The following FBXL17 variants were observed in gnomAD, a reference collection of about 807,000 sequenced individuals.
FBXL17 encodes F-box/LRR-repeat protein 17.
Under a neutral mutation model 66.2 loss-of-function variants are expected in FBXL17, and 22 were observed. The ratio of observed to expected loss-of-function variants is 0.33; its 90% confidence interval spans 0.24 to 0.47. The LOEUF is 0.47. FBXL17 is among the 20% of genes least tolerant of loss of function. The pLI is 1.00. For missense variants in FBXL17, 878 were observed against 948.2 expected (o/e 0.93, Z 0.97); for synonymous variants, 474 against 400.5 (o/e 1.18, Z -2.19).
chr5:107,877,418 G>A (rs999376679), intron 8 of FBXL17, among the ~76,000 whole-genome samples: 1 of 152,114 alleles, frequency 6.6e-6, no homozygotes, highest in Non-Finnish European at 1.5e-5. Flanking sequence ...TGGGGGTCGT[G>A]GGGGGAAACA....
At chr5:108,063,215 T>A (rs1747992455) in intron 6 of FBXL17, among the ~76,000 whole-genome samples, 1 of 152,028 alleles carries the variant, frequency 6.6e-6, no homozygotes, top group Non-Finnish European at 1.5e-5. Context: ...GGAGGCACTG[T>A]TGAACTCAGA....
At chr5:108,348,770 A>G (rs1747450113) in intron 3 of FBXL17, among the ~76,000 whole-genome samples, 1 of 152,180 alleles carries the variant, frequency 6.6e-6, no homozygotes, top group Non-Finnish European at 1.5e-5. Context: ...AGGTATGTAT[A>G]TTCCTTAACA....
chr5:107,986,423 A>G (rs1753014648), intron 7 of FBXL17, among the ~76,000 whole-genome samples: 1 of 151,726 alleles, frequency 6.6e-6, no homozygotes, highest in Non-Finnish European at 1.5e-5. Context: ...CAAATGTTAG[A>G]ACAACATAAC....
At chr5:108,206,588 T>C (rs561849465) in intron 5 of FBXL17, among the ~76,000 whole-genome samples, 1 of 152,242 alleles carries the variant, frequency 6.6e-6, no homozygotes, top group Non-Finnish European at 1.5e-5. Context: ...AACTTGACAA[T>C]CATTTGCATT....
intron 7 of FBXL17, among the ~76,000 whole-genome samples, chr5:107,999,698 T>C (rs2112712483): frequency 6.6e-6 from 1 of 152,198 alleles, no homozygotes; most frequent in South Asian, 2.1e-4. Context: ...TCAAAGAGGA[T>C]ATAAGCAAAA....
chr5:108,035,764 C>T (rs1423985877), intron 6 of FBXL17, among the ~76,000 whole-genome samples: 1 of 152,116 alleles, frequency 6.6e-6, no homozygotes, highest in African/African-American at 2.4e-5. Context: ...ATGCCCATGC[C>T]CAGCCACCTT....
chr5:107,897,005 G>A (rs1749407061), intron 7 of FBXL17, among the ~76,000 whole-genome samples: 1 of 151,986 alleles, frequency 6.6e-6, no homozygotes, highest in Non-Finnish European at 1.5e-5. Flanking sequence ...ACAAATTAAA[G>A]CAAAAGGAAG....
At position 108,220,173 on chromosome 5, in the gene FBXL17, G is replaced by A. The variant is rs1754797867; in HGVS notation, c.1614+3948C>T. On this transcript the variant is annotated intron_variant, in intron 5 of 8. Transcript: ENST00000542267. The stretch of plus-strand genomic sequence containing the variant: ...CTTTTGATTTTGTCTTTACTCATGG[G>A]TTATTTAGGATTGAATGCATAAGGA... 4.6e-5 allele frequency among the ~76,000 whole-genome samples: 7 copies of A among 151,530 alleles called. No homozygotes were observed. In the South Asian group the frequency reaches 1.5e-3, roughly 32 times the overall value.
At chr5:108,378,327 T>G (rs1170943323) in intron 1 of FBXL17, among the ~76,000 whole-genome samples, 1 of 102,568 alleles carries the variant, frequency 9.7e-6, no homozygotes, top group Non-Finnish European at 2.0e-5. Context: ...CTCGTTTTTG[T>G]TTTTTGTTTT....
At chr5:108,133,670 CT>C (rs1246823461) in intron 6 of FBXL17, among the ~76,000 whole-genome samples, 1 of 151,482 alleles carries the variant, frequency 6.6e-6, no homozygotes, top group Non-Finnish European at 1.5e-5. Context: ...AAACGTTGGT[CT>C]ATAGGAAAGC....
chr5:108,381,141 G>T lies in FBXL17; in HGVS notation c.551C>A (p.Pro184Gln). ...GGGCGTAGGGAGCTCGGCCGGTGAC[G>T]GTGTCGGCCCCCGGAAGAGCTGCAC... ...AAVQLFRGPT[P>Q]SPAELPTPPE... The change falls in exon 1 of 9, where the codon CCG (proline) becomes CAG (glutamine). Residue 184 changes from proline to glutamine, a missense_variant. Physicochemically the swap from Pro to Gln is moderately conservative, Grantham distance 76. Around this residue, in one of 4 missense-constraint regions of FBXL17, gnomAD observed 605 missense variants for 509.5 expected, o/e 1.19. Transcript: ENST00000542267. The T allele has an allele frequency of 7.2e-7, 1 of 1,385,564 alleles. No individual in the cohort carries two copies. The highest frequency in any genetic ancestry group is 3.1e-5 in the East Asian group (1 of 32,616). 85.8% of individuals were successfully genotyped at this position (1,385,564 alleles called of 1,614,324 possible). A position where few individuals can be genotyped will look rare whatever the true frequency, so the allele number is the denominator to read the frequency against.
At chr5:108,140,757 C>T (rs1206341540) in intron 6 of FBXL17, among the ~76,000 whole-genome samples, 1 of 152,062 alleles carries the variant, frequency 6.6e-6, no homozygotes, top group Non-Finnish European at 1.5e-5. Flanking sequence ...TCAAGGATAT[C>T]CCCCAAAATT....
intron 4 of FBXL17, among the ~76,000 whole-genome samples, chr5:108,293,235 T>TTTC (rs1325946200): frequency 6.6e-6 from 1 of 152,172 alleles, no homozygotes; most frequent in Non-Finnish European, 1.5e-5. Flanking sequence ...ACAATAAGGA[T>TTTC]TTCTCATTAT....
intron 7 of FBXL17, among the ~76,000 whole-genome samples, chr5:107,965,413 C>T (rs1752085860): frequency 6.6e-6 from 1 of 152,098 alleles, no homozygotes; most frequent in African/African-American, 2.4e-5. Context: ...TGAAAAATAC[C>T]TATTATAACA....
intron 8 of FBXL17, chr5:107,879,068 T>C (rs190735349): frequency 1.0e-6 from 1 of 985,440 alleles, no homozygotes; most frequent in Non-Finnish European, 1.2e-6. Context: ...ATTTCTTAAC[T>C]AAAAATCAGC....
intron 7 of FBXL17, among the ~76,000 whole-genome samples, chr5:107,887,506 A>T (rs1045673712): frequency 3.9e-5 from 6 of 152,210 alleles, no homozygotes; most frequent in East Asian, 1.9e-4. Context: ...ATTAGGGTTA[A>T]AATTTAACAG....
At chr5:108,341,999 T>C (rs888984657) in intron 4 of FBXL17, among the ~76,000 whole-genome samples, 4 of 152,184 alleles carry the variant, frequency 2.6e-5, no homozygotes, top group Non-Finnish European at 5.9e-5. Flanking sequence ...GGTGTTTCTA[T>C]AGCACTATCA....
At chr5:108,078,464 A>G (rs1275907948) in intron 6 of FBXL17, among the ~76,000 whole-genome samples, 1 of 152,202 alleles carries the variant, frequency 6.6e-6, no homozygotes, top group African/African-American at 2.4e-5. Context: ...GACTGTCAGA[A>G]AGCCAGCAAA....
At chr5:108,269,775 A>C (rs1757191413) in intron 4 of FBXL17, among the ~76,000 whole-genome samples, 1 of 152,112 alleles carries the variant, frequency 6.6e-6, no homozygotes, top group Admixed American at 6.5e-5. Context: ...AGACAGTGCC[A>C]CCACAAAAAA....
Sources: allele counts gnomAD v4.1 joint callset (sites outside exome capture counted in the v4.1 genomes callset), GRCh38; gene constraint gnomAD v4.1.1; regional missense constraint gnomAD v4.1.1; transcripts MANE v1.5; gene names NCBI Gene and HGNC (gene_info 2026-07-23, HGNC 2026-07-21).